Variants in GRIP1 observed in about 807,000 individuals in gnomAD.
The protein encoded by GRIP1 is glutamate receptor-interacting protein 1.
GRIP1 carries 45 observed loss-of-function variants against 129.9 expected under a neutral mutation model. The ratio of observed to expected loss-of-function variants is 0.35; its 90% CI spans 0.27 to 0.44. The LOEUF (loss-of-function observed/expected upper bound fraction) is 0.44. GRIP1 is among the 20% of genes least tolerant of loss of function. The pLI, the probability that GRIP1 is intolerant of heterozygous loss-of-function variation, is 1.00. For synonymous variants in GRIP1, 530 were observed against 520.8 expected, an observed-to-expected ratio of 1.02 and a Z score of -0.24; for missense variants, 1,196 against 1,396.8, an observed-to-expected ratio of 0.86 and a Z score of 2.29.
chr12:66,832,449 T>C (rs1420971863), intron 1 of GRIP1, among the ~76,000 whole-genome samples: 1 of 152,148 alleles, frequency 6.6e-6, no homozygotes, highest in Non-Finnish European at 1.5e-5. Flanking sequence ...ATGCTTAATA[T>C]TGTATTCATT....
At chr12:66,798,071 T>C (rs995644351) in intron 1 of GRIP1, among the ~76,000 whole-genome samples, 7 of 151,690 alleles carry the variant, frequency 4.6e-5, no homozygotes, top group Admixed American at 1.3e-4. Context: ...GAAAAAGGAG[T>C]TTTAAGGCAG....
At chr12:66,708,470 T>C (rs1043189497) in intron 1 of GRIP1, among the ~76,000 whole-genome samples, 1 of 151,936 alleles carries the variant, frequency 6.6e-6, no homozygotes, top group Non-Finnish European at 1.5e-5. Context: ...TTAAGTTCTG[T>C]TAGGATATTT....
At chr12:67,020,273 T>G (rs1470743345) in intron 1 of GRIP1, among the ~76,000 whole-genome samples, 1 of 152,240 alleles carries the variant, frequency 6.6e-6, no homozygotes, top group Non-Finnish European at 1.5e-5. Context: ...ATTTTGGTCC[T>G]TCGGCATTTG....
At chr12:66,989,435 C>T (rs141532793) in intron 1 of GRIP1, among the ~76,000 whole-genome samples, 1 of 152,266 alleles carries the variant, frequency 6.6e-6, no homozygotes, top group African/African-American at 2.4e-5. Context: ...GAGGCCATGG[C>T]TGTACAATTC....
intron 1 of GRIP1, among the ~76,000 whole-genome samples, chr12:66,747,470 G>C (rs2036985197): frequency 6.6e-6 from 1 of 152,122 alleles, no homozygotes; most frequent in East Asian, 1.9e-4. Context: ...TGAAGTAAAA[G>C]AAGCATTTCT....
At chr12:66,810,474 C>T (rs1182932058) in intron 1 of GRIP1, among the ~76,000 whole-genome samples, 4 of 152,188 alleles carry the variant, frequency 2.6e-5, no homozygotes, top group Non-Finnish European at 5.9e-5. Context: ...AGCAGAATCG[C>T]TTGAACCTGG....
intron 1 of GRIP1, among the ~76,000 whole-genome samples, chr12:67,005,268 T>A (rs1860373138): frequency 1.3e-5 from 2 of 152,160 alleles, no homozygotes; most frequent in Admixed American, 1.3e-4. Context: ...CCATAGCTAA[T>A]CTAAATTTGG....
At chr12:66,434,486 A>T (rs1421090106) in intron 13 of GRIP1, among the ~76,000 whole-genome samples, 4 of 152,198 alleles carry the variant, frequency 2.6e-5, no homozygotes. Flanking sequence ...GTATCCTTTC[A>T]ATTTCTCAGT....
At chr12:66,807,380 T>C (rs1224831993), upstream of GRIP1, among the ~76,000 whole-genome samples, 1 of 151,940 alleles carries the variant, frequency 6.6e-6, no homozygotes, top group Admixed American at 6.6e-5. Context: ...CCGTTAAAAA[T>C]GTGTGGCACC....
At chr12:66,748,466 G>T (rs1203522083) in intron 1 of GRIP1, among the ~76,000 whole-genome samples, 1 of 152,146 alleles carries the variant, frequency 6.6e-6, no homozygotes, top group East Asian at 1.9e-4. Flanking sequence ...AATCTCACAT[G>T]GTTCCCATGG....
In GRIP1 at chr12:66,517,967, T is replaced by TG; in HGVS notation, c.511dup (p.His171ProfsTer2). On this transcript the variant is annotated frameshift_variant, in exon 6 of 25. Coordinates refer to ENST00000359742, the MANE Select transcript of GRIP1 (RefSeq NM_001366722.1). LOFTEE classifies it high-confidence loss of function. ...TGGACGAGATTTATTTCTATCATCATGTGCTCCCCCTAGCAAAGAAAAGGA... is the reference window on the plus strand; with the variant it reads ...TGGACGAGATTTATTTCTATCATCATGGTGCTCCCCCTAGCAAAGAAAAGGA... 6.3e-7 allele frequency: 1 copy of TG among 1,586,174 alleles called. No homozygotes were observed.
chr12:66,459,581 C>T (rs1347829501), intron 9 of GRIP1, among the ~76,000 whole-genome samples: 3 of 152,172 alleles, frequency 2.0e-5, no homozygotes, highest in African/African-American at 7.2e-5. Context: ...CCAGCTATTG[C>T]TTTCTCAGAC....
chr12:66,394,179 G>T, intron 17 of GRIP1, 29 bp downstream of exon 17: 1 of 1,602,322 alleles, frequency 6.2e-7, no homozygotes, highest in Non-Finnish European at 8.6e-7. Context: ...TCAGACACAG[G>T]TAATTATAAC....
chr12:66,464,586 G>A (rs7134454), intron 8 of GRIP1, among the ~76,000 whole-genome samples: 6,290 of 152,222 alleles, frequency 0.041, 331 homozygotes, highest in East Asian at 0.12. Context: ...CTCTGCATGG[G>A]GTTTAAGAAA....
chr12:66,562,513 T>C (rs985008129), intron 2 of GRIP1, among the ~76,000 whole-genome samples: 16 of 152,338 alleles, frequency 1.1e-4, no homozygotes, highest in African/African-American at 2.6e-4. Flanking sequence ...TCTAGGCTTA[T>C]ATACAGCTTA....
chr12:66,755,657 C>A (rs1253181625), intron 1 of GRIP1, among the ~76,000 whole-genome samples: 1 of 152,154 alleles, frequency 6.6e-6, no homozygotes, highest in Non-Finnish European at 1.5e-5. Flanking sequence ...GGCAGTGGGA[C>A]CTCTCCGTTA....
chr12:66,945,853 C>T (rs1453317336), intron 1 of GRIP1, among the ~76,000 whole-genome samples: 2 of 152,218 alleles, frequency 1.3e-5, no homozygotes, highest in African/African-American at 4.8e-5. Flanking sequence ...CAATATCCTC[C>T]TCAACATTTT....
intron 1 of GRIP1, among the ~76,000 whole-genome samples, chr12:66,809,234 AAAT>A (rs1439704765): frequency 6.6e-6 from 1 of 152,246 alleles, no homozygotes; most frequent in East Asian, 1.9e-4. Context: ...AGGAAAAAAG[AAAT>A]GGACCAGCTA....
intron 1 of GRIP1, among the ~76,000 whole-genome samples, chr12:66,873,696 T>C (rs934299819): frequency 2.0e-5 from 3 of 152,096 alleles, no homozygotes; most frequent in Non-Finnish European, 4.4e-5. Flanking sequence ...CACAAGTCCC[T>C]GGTGCTATGA....
Sources: gnomAD v4.1 joint callset for allele counts (sites outside exome capture counted in the v4.1 genomes callset) on GRCh38, gnomAD v4.1.1 for gene constraint, MANE v1.5 for transcripts, NCBI Gene and HGNC (gene_info 2026-07-23, HGNC 2026-07-21) for gene names.